TMPRSS11D: variants seen among roughly 807,000 people sequenced by gnomAD.
The protein encoded by TMPRSS11D is transmembrane serine protease 11D, also known as transmembrane protease serine 11D.
A neutral mutation model predicts 44.4 loss-of-function variants in TMPRSS11D; 32 were observed. That is an observed-to-expected ratio of 0.72 (90% confidence interval 0.54 to 0.97). The LOEUF is 0.97. Among genes scored for constraint, TMPRSS11D ranks in the 50% least tolerant of loss-of-function variants. TMPRSS11D has a pLI of 0.00. For missense variants in TMPRSS11D, 446 were observed against 502.6 expected, an observed-to-expected ratio of 0.89 and a Z score of 1.08; for synonymous variants, 179 against 177.9, an observed-to-expected ratio of 1.01 and a Z score of -0.05.
intron 4 of TMPRSS11D, 82 bp downstream of exon 4, chr4:67,842,476 A>G (rs1052557632): frequency 3.0e-5 from 36 of 1,188,096 alleles, no homozygotes; most frequent in Non-Finnish European, 4.1e-5. Context: ...TGAACATGTC[A>G]TTTACTATTC....
chr4:67,876,287 T>C (rs1719189286), intron 1 of TMPRSS11D, among the ~76,000 whole-genome samples: 3 of 152,274 alleles, frequency 2.0e-5, no homozygotes, highest in Middle Eastern at 6.8e-3. Flanking sequence ...CAGAGGGTTT[T>C]GAAGATTAAA....
At chr4:67,863,748 A>T (rs374885342) in intron 1 of TMPRSS11D, among the ~76,000 whole-genome samples, 189 of 152,234 alleles carry the variant, frequency 1.2e-3, no homozygotes, top group African/African-American at 4.4e-3. Flanking sequence ...TTTAAATGAT[A>T]AAGACAATAC....
At chr4:67,863,552 C>A (rs1357398548) in intron 1 of TMPRSS11D, among the ~76,000 whole-genome samples, 2 of 151,894 alleles carry the variant, frequency 1.3e-5, no homozygotes, top group Admixed American at 1.3e-4. Flanking sequence ...TGAAAGATTT[C>A]TTTAATTGAT....
At chr4:67,842,526 T>C in intron 4 of TMPRSS11D, 32 bp downstream of exon 4, 1 of 1,579,716 alleles carries the variant, frequency 6.3e-7, no homozygotes, top group Non-Finnish European at 8.7e-7. Flanking sequence ...ATTGTATCTA[T>C]ACTTAAATAT....
chr4:67,854,679 C>A (rs1262002262), intron 2 of TMPRSS11D, among the ~76,000 whole-genome samples: 2 of 152,056 alleles, frequency 1.3e-5, no homozygotes, highest in African/African-American at 4.8e-5. Flanking sequence ...GATATCTAAT[C>A]TAGTAATCCA....
intron 1 of TMPRSS11D, among the ~76,000 whole-genome samples, chr4:67,863,245 T>G (rs1718836016): frequency 6.7e-6 from 1 of 149,314 alleles, no homozygotes; most frequent in African/African-American, 2.4e-5. Flanking sequence ...TAGCTGTTGG[T>G]TATTATTATT....
At chr4:67,880,193 C>G (rs1719287845) in intron 1 of TMPRSS11D, among the ~76,000 whole-genome samples, 1 of 152,142 alleles carries the variant, frequency 6.6e-6, no homozygotes, top group Non-Finnish European at 1.5e-5. Flanking sequence ...ATGGGGTCTT[C>G]TAAGATACTG....
chr4:67,844,062 T>TA (rs1219701161), intron 3 of TMPRSS11D, among the ~76,000 whole-genome samples: 5 of 152,226 alleles, frequency 3.3e-5, no homozygotes, highest in African/African-American at 1.2e-4. Context: ...CTGTGGCTGA[T>TA]ACAGTTCTCC....
At chr4:67,865,615 TAAAC>T (rs754408845) in intron 1 of TMPRSS11D, among the ~76,000 whole-genome samples, 5 of 151,306 alleles carry the variant, frequency 3.3e-5, no homozygotes, top group Non-Finnish European at 7.4e-5. Context: ...CAGATTCAAA[TAAAC>T]AAAATCAGAA....
intron 9 of TMPRSS11D, 137 bp from the exon 10 acceptor site, chr4:67,822,635 T>G (rs1283351216): frequency 1.1e-6 from 1 of 940,334 alleles, no homozygotes; most frequent in East Asian, 2.6e-5. Flanking sequence ...TTTGAAATAT[T>G]ATACCAAGTC....
intron 1 of TMPRSS11D, among the ~76,000 whole-genome samples, chr4:67,871,579 C>T (rs912385322): frequency 4.6e-5 from 7 of 152,144 alleles, no homozygotes; most frequent in African/African-American, 7.2e-5. Flanking sequence ...CTGAAGACTA[C>T]TTGCCATTTC....
intron 4 of TMPRSS11D, among the ~76,000 whole-genome samples, 194 bp downstream of exon 4, chr4:67,842,364 G>A: frequency 6.6e-6 from 1 of 151,998 alleles, no homozygotes; most frequent in Non-Finnish European, 1.5e-5. Context: ...ATATAATATG[G>A]TTATTTACAT....
In TMPRSS11D at chr4:67,828,156, G is replaced by C. The variant is rs915724338; in HGVS notation, c.693-636C>G. Among the ~76,000 whole-genome samples, 45 of 151,992 alleles carry C rather than the reference G, an allele frequency of 3.0e-4. 1 individual carries two copies. Among genetic ancestry groups the C allele is most frequent in the African/African-American group, 1.1e-3 (45 of 41,484 alleles). On this transcript the variant is annotated intron_variant, in intron 7 of 9. Transcript: ENST00000283916. ...TGGATTTCAAAGATTTTTGCATGCA[G>C]ATAAACTCATACTAACTTGTCATAC...
chr4:67,822,244 T>G lies in TMPRSS11D; in HGVS notation c.*93A>C. On this transcript the variant is annotated 3_prime_UTR_variant, in exon 10 of 10. Coordinates refer to ENST00000283916, the MANE Select transcript of TMPRSS11D (RefSeq NM_004262.3). ...GTAACAAGATGTTAAATTAGGACAT[T>G]TCTAGTTTCTTTTTCAGTTGAAATG... 2 of 1,360,556 alleles carry G rather than the reference T, an allele frequency of 1.5e-6. No individual in the cohort carries two copies. Among genetic ancestry groups the G allele is most frequent in the South Asian group, 1.3e-5 (1 of 74,312 alleles). 84.3% of individuals were successfully genotyped at this position (1,360,556 alleles called of 1,614,324 possible).
At chr4:67,879,887 T>A (rs1354961152) in intron 1 of TMPRSS11D, among the ~76,000 whole-genome samples, 2 of 152,214 alleles carry the variant, frequency 1.3e-5, no homozygotes, top group Non-Finnish European at 2.9e-5. Flanking sequence ...CTACATTATC[T>A]GTAATGGCAA....
chr4:67,857,295 AT>A, intron 2 of TMPRSS11D, among the ~76,000 whole-genome samples: 1 of 814 alleles, frequency 1.2e-3, no homozygotes, highest in South Asian at 0.062. Flanking sequence ...ATATATATAT[AT>A]ATATATATAT....
intron 5 of TMPRSS11D, 117 bp from the exon 6 acceptor site, chr4:67,835,238 A>T (rs6824984): frequency 1.1e-6 from 1 of 924,076 alleles, no homozygotes; most frequent in Non-Finnish European, 1.7e-6. Flanking sequence ...TGGGGTTGGG[A>T]GGTGGTCCTC....
At chr4:67,874,417 G>A (rs946795493) in intron 1 of TMPRSS11D, among the ~76,000 whole-genome samples, 5 of 152,062 alleles carry the variant, frequency 3.3e-5, no homozygotes, top group African/African-American at 4.8e-5. Context: ...TCCACTCATC[G>A]TTATCTCTAC....
chr4:67,865,654 T>G (rs1203432884), intron 1 of TMPRSS11D, among the ~76,000 whole-genome samples: 3 of 151,436 alleles, frequency 2.0e-5, no homozygotes, highest in Non-Finnish European at 3.0e-5. Flanking sequence ...TACAATCATA[T>G]AGAAATACAA....
Sources: gnomAD v4.1 joint callset for allele counts (sites outside exome capture counted in the v4.1 genomes callset) on GRCh38, gnomAD v4.1.1 for gene constraint, MANE v1.5 for transcripts, NCBI Gene and HGNC (gene_info 2026-07-23, HGNC 2026-07-21) for gene names.